The following CNIH1 variants were observed in gnomAD, a reference collection of about 807,000 sequenced individuals.
CNIH1 encodes protein cornichon homolog 1.
A neutral mutation model predicts 20.2 loss-of-function variants in CNIH1; 12 were observed. That is an observed-to-expected ratio of 0.59 (90% confidence interval 0.38 to 0.96). CNIH1 has a LOEUF of 0.96. Ranked by LOEUF, CNIH1 falls within the 40% of genes least tolerant of loss-of-function variation. The pLI is 0.00. For missense variants in CNIH1, 152 were observed against 178.8 expected (o/e 0.85, Z 0.85); for synonymous variants, 69 against 63.3 (o/e 1.09, Z -0.43).
rs2030964513 is a variant in CNIH1, at chr14:54,432,236, A to G, written c.151-16T>C. 1 of 1,424,774 alleles carries G rather than the reference A, an allele frequency of 7.0e-7. No individual in the cohort carries two copies. The highest frequency in any genetic ancestry group is 9.5e-7 in the Non-Finnish European group (1 of 1,052,574). The allele number at this position is 1,424,774 out of a possible 1,614,324, so 88.3% of individuals were successfully genotyped here. ...GGAGTACAAGCTGGAAGGAAAACAC[A>G]AGCCAGTTATCAAAATGCCTCAGCA... On this transcript the variant is annotated splice_polypyrimidine_tract_variant and intron_variant, in intron 2 of 4. Transcript: ENST00000216416.
At chr14:54,437,976 G>C (rs1043951744) in intron 1 of CNIH1, among the ~76,000 whole-genome samples, 1 of 144,506 alleles carries the variant, frequency 6.9e-6, no homozygotes, top group African/African-American at 2.6e-5. Context: ...GTGACTTCAA[G>C]GGTTTTTTTT....
intron 1 of CNIH1, among the ~76,000 whole-genome samples, chr14:54,440,979 G>A (rs1161466549): frequency 2.0e-5 from 3 of 151,934 alleles, no homozygotes; most frequent in African/African-American, 7.2e-5. Flanking sequence ...GCGCCCGCCT[G>A]GACCGCGGCC....
intron 3 of CNIH1, 111 bp from the exon 4 acceptor site, chr14:54,430,515 G>C: frequency 9.7e-7 from 1 of 1,029,142 alleles, no homozygotes; most frequent in Non-Finnish European, 1.4e-6. Context: ...ATAAAGGGAA[G>C]CATTCTTTTA....
rs1261925174 is a variant in CNIH1 at position 54,427,111 on chromosome 14, A to C, written c.*703T>G. ...TAATAAGTAATGTCTTACAAATAAA[A>C]ACACATTTAAAATAGCTTTAAATGC... On this transcript the variant is annotated 3_prime_UTR_variant, in exon 5 of 5. Transcript: ENST00000216416. 6.6e-6 allele frequency: 1 copy of C among 151,128 alleles called. No individual in the cohort carries two copies. The highest frequency in any genetic ancestry group is 1.5e-5 in the Non-Finnish European group (1 of 67,764). The allele number at this position is 151,128 out of a possible 1,614,324, so 9.4% of individuals were successfully genotyped here.
At position 54,425,429 on chromosome 14, in the gene CNIH1, G is replaced by A. The variant is rs2030808536; in HGVS notation, c.*2385C>T. 1 of 152,004 alleles carries A rather than the reference G, an allele frequency of 6.6e-6. No individual in the cohort carries two copies. The highest frequency in any genetic ancestry group is 1.5e-5 in the Non-Finnish European group (1 of 67,996). The allele number at this position is 152,004 out of a possible 1,614,324, so 9.4% of individuals were successfully genotyped here. ...AAATGAACAGCTGTTGCTGCACAGGGAATGTTTAACGTAAACTGAATTATA... is the reference window on the plus strand; with the variant it reads ...AAATGAACAGCTGTTGCTGCACAGGAAATGTTTAACGTAAACTGAATTATA... On this transcript the variant is annotated 3_prime_UTR_variant, in exon 5 of 5. Coordinates refer to ENST00000216416, the MANE Select transcript of CNIH1 (RefSeq NM_005776.3).
chr14:54,428,876 G>A (rs1418242912), intron 4 of CNIH1, among the ~76,000 whole-genome samples: 1 of 152,094 alleles, frequency 6.6e-6, no homozygotes, highest in Non-Finnish European at 1.5e-5. Context: ...CTAAATTTCA[G>A]TCTAACCATT....
chr14:54,428,590 A>C (rs2030871914), intron 4 of CNIH1, among the ~76,000 whole-genome samples: 1 of 152,254 alleles, frequency 6.6e-6, no homozygotes, highest in Non-Finnish European at 1.5e-5. Flanking sequence ...CCACAACTGC[A>C]CATCTCCAAC....
intron 2 of CNIH1, among the ~76,000 whole-genome samples, chr14:54,434,850 C>G (rs1053850440): frequency 6.6e-6 from 1 of 152,162 alleles, no homozygotes; most frequent in African/African-American, 2.4e-5. Context: ...CTTCTTATGT[C>G]TTGTTTCATA....
chr14:54,441,311 G>C lies in CNIH1; in HGVS notation c.17C>G (p.Ala6Gly). The C allele has an allele frequency of 3.3e-6, 5 of 1,514,222 alleles. No individual in the cohort carries two copies. Among genetic ancestry groups the C allele is most frequent in the Non-Finnish European group, 4.4e-6 (5 of 1,126,926 alleles). The allele number at this position is 1,514,222 out of a possible 1,614,324, so 93.8% of individuals were successfully genotyped here. A position where few individuals can be genotyped will look rare whatever the true frequency, so the allele number is the denominator to read the frequency against. The part of the protein sequence containing the change: MAFTF[A>G]AFCYMLALLL... Reference sequence around the variant, plus strand: ...CAGCGCCAGCATGTAGCAGAAGGCCGCGAACGTGAACGCCATGGCTGGGGA... The same window carrying C: ...CAGCGCCAGCATGTAGCAGAAGGCCCCGAACGTGAACGCCATGGCTGGGGA... Residue 6 changes from alanine to glycine, a missense_variant, in exon 1 of 5, where the codon GCG becomes GGG. Ala to Gly is a moderately conservative substitution (Grantham distance 60, BLOSUM62 0). Transcript: ENST00000216416.
chr14:54,427,820 G>A lies in CNIH1; in HGVS notation c.429C>T (p.Ser143=), dbSNP rs370026434. 35 of 1,613,310 alleles carry A rather than the reference G, an allele frequency of 2.2e-5. No homozygotes were observed. Among genetic ancestry groups the A allele is most frequent in the Non-Finnish European group, 3.0e-5 (35 of 1,179,838 alleles). The change falls in exon 5 of 5, where the codon AGC becomes AGT. Residue 143 remains serine (S), a synonymous_variant. Transcript: ENST00000216416. The part of the protein sequence containing the change: ...YLYGMIYVLV[S]S ...AATTCTTCTGTGTGTTGTTCTAAGA[G>A]CTCACCAAAACATAGATCATGCTGA...
intron 1 of CNIH1, among the ~76,000 whole-genome samples, chr14:54,438,170 G>A (rs149432165): frequency 0.014 from 2,056 of 152,120 alleles, 24 homozygotes; most frequent in Middle Eastern, 0.027. Flanking sequence ...TGTAGAGATG[G>A]GATTTTACCA....
chr14:54,437,673 G>C (rs1382670156), intron 1 of CNIH1, among the ~76,000 whole-genome samples: 1 of 138,618 alleles, frequency 7.2e-6, no homozygotes, highest in Non-Finnish European at 1.5e-5. Context: ...AATAGCACTA[G>C]GGATTAAAAA....
In CNIH1 at chr14:54,424,443, T is replaced by C. The variant is rs754292433; in HGVS notation, c.*3371A>G. The C allele has an allele frequency of 2.0e-5, 3 of 152,224 alleles. No individual in the cohort carries two copies. Among genetic ancestry groups the C allele is most frequent in the Non-Finnish European group, 2.9e-5 (2 of 68,044 alleles). The allele number at this position is 152,224 out of a possible 1,614,324, so 9.4% of individuals were successfully genotyped here. A position where few individuals can be genotyped will look rare whatever the true frequency, so the allele number is the denominator to read the frequency against. ...ACATACTTTTAAATATAGACCATTA[T>C]TTGAGTGGGCTTGATACACTGCTAG... On this transcript the variant is annotated 3_prime_UTR_variant, in exon 5 of 5. Coordinates refer to ENST00000216416, the MANE Select transcript of CNIH1 (RefSeq NM_005776.3).
Position 54,426,584 on chromosome 14 carries a change from C to A in CNIH1, c.*1230G>T, listed in dbSNP as rs959806537. The A allele has an allele frequency of 1.3e-5, 2 of 152,150 alleles. No individual in the cohort carries two copies. Among genetic ancestry groups the A allele is most frequent in the African/African-American group, 4.8e-5 (2 of 41,456 alleles). 9.4% of individuals were successfully genotyped at this position (152,150 alleles called of 1,614,324 possible). A position where few individuals can be genotyped will look rare whatever the true frequency, so the allele number is the denominator to read the frequency against. ...TGCAAGCCATAATTTACCTGCCTTA[C>A]AAGCAGCAGCAAAAACTCAAATTTA... is the stretch of plus-strand genomic sequence containing the variant. On this transcript the variant is annotated 3_prime_UTR_variant, in exon 5 of 5. Transcript: ENST00000216416.
chr14:54,427,716 C>G lies in CNIH1; in HGVS notation c.*98G>C, dbSNP rs2030853500. On this transcript the variant is annotated 3_prime_UTR_variant, in exon 5 of 5. Transcript: ENST00000216416. ...ATTTTTTAAAGTAACTGATCAGATT[C>G]CACAGGCTACTCTTGGACAGGATCT... 1 of 1,249,552 alleles carries G rather than the reference C, an allele frequency of 8.0e-7. No individual in the cohort carries two copies. The highest frequency in any genetic ancestry group is 1.1e-6 in the Non-Finnish European group (1 of 873,650). The allele number at this position is 1,249,552 out of a possible 1,614,324, so 77.4% of individuals were successfully genotyped here. A position where few individuals can be genotyped will look rare whatever the true frequency, so the allele number is the denominator to read the frequency against.
chr14:54,438,777 C>A (rs1448092080), intron 1 of CNIH1, among the ~76,000 whole-genome samples: 2 of 152,138 alleles, frequency 1.3e-5, no homozygotes, highest in Non-Finnish European at 2.9e-5. Flanking sequence ...AAATCTGATC[C>A]CCAATGTTGG....
Position 54,441,365 on chromosome 14 carries a change from G to C in CNIH1, c.-38C>G. ...GGAGCGGGGAGCGGCGCCGTTGCCAGCGGAGAAAGGCGGCGCAGGGCCCTC... is the reference window on the plus strand; with the variant it reads ...GGAGCGGGGAGCGGCGCCGTTGCCACCGGAGAAAGGCGGCGCAGGGCCCTC... On this transcript the variant is annotated 5_prime_UTR_variant, in exon 1 of 5. Coordinates refer to ENST00000216416, the MANE Select transcript of CNIH1 (RefSeq NM_005776.3). 1 of 1,470,824 alleles carries C rather than the reference G, an allele frequency of 6.8e-7. No individual in the cohort carries two copies. Among genetic ancestry groups the C allele is most frequent in the African/African-American group, 1.5e-5 (1 of 68,726 alleles). The allele number at this position is 1,470,824 out of a possible 1,614,324, so 91.1% of individuals were successfully genotyped here.
In CNIH1 at chr14:54,425,273, CA is replaced by C. The variant is rs1357444691; in HGVS notation, c.*2540del. The C allele has an allele frequency of 6.6e-6, 1 of 151,862 alleles. No homozygotes were observed. The highest frequency in any genetic ancestry group is 1.5e-5 in the Non-Finnish European group (1 of 67,988). The allele number at this position is 151,862 out of a possible 1,614,324, so 9.4% of individuals were successfully genotyped here. ...AAAGTTGTTGGTATAGATATAACCA[CA>C]GTGTTACACAAGATGCAATAAAATA... On this transcript the variant is annotated 3_prime_UTR_variant, in exon 5 of 5. Coordinates refer to ENST00000216416, the MANE Select transcript of CNIH1 (RefSeq NM_005776.3).
At chr14:54,438,676 G>A (rs1002017932) in intron 1 of CNIH1, among the ~76,000 whole-genome samples, 1 of 152,148 alleles carries the variant, frequency 6.6e-6, no homozygotes, top group Non-Finnish European at 1.5e-5. Context: ...AAGATTTTTG[G>A]AATGTAATTT....
Sources: allele counts gnomAD v4.1 joint callset (sites outside exome capture counted in the v4.1 genomes callset), GRCh38; gene constraint gnomAD v4.1.1; transcripts MANE v1.5; gene names NCBI Gene and HGNC (gene_info 2026-07-23, HGNC 2026-07-21).